The following SLC27A3 variants were observed in gnomAD, a reference collection of about 807,000 sequenced individuals.
The protein encoded by SLC27A3 is solute carrier family 27 member 3, also known as long-chain fatty acid transport protein 3.
A neutral mutation model predicts 60.1 loss-of-function variants in SLC27A3; 60 were observed. The observed-to-expected ratio is 1.00, with a 90% CI of 0.81 to 1.24. SLC27A3 has a LOEUF of 1.24. Ranked by LOEUF, SLC27A3 falls within the 50% of genes most tolerant of loss-of-function variation. The probability of loss-of-function intolerance (pLI) is 0.00; values close to 1 mark genes in which losing one functional copy is unlikely to be tolerated. For missense variants in SLC27A3, 1,079 were observed against 929.9 expected, an observed-to-expected ratio of 1.16 and a Z score of -2.09; for synonymous variants, 455 against 409.0, an observed-to-expected ratio of 1.11 and a Z score of -1.36.
Position 153,778,736 on chromosome 1 carries a change from G to A in SLC27A3, c.1497G>A (p.Leu499=), listed in dbSNP as rs764042645. 1 of 1,613,684 alleles carries A rather than the reference G, an allele frequency of 6.2e-7. No homozygotes were observed. The highest frequency in any genetic ancestry group is 1.1e-5 in the South Asian group (1 of 91,080). Residue 499 remains leucine (L), a synonymous_variant, in exon 7 of 10, where the codon CTG becomes CTA. Transcript: ENST00000624995. ...CGGTAAGCCAGCAGTCCCCATTCCT[G>A]GGCTATGCTGGCGGGCCAGAGCTGG... ...VAPVSQQSPF[L]GYAGGPELAQ...
Position 153,778,529 on chromosome 1 carries a change from G to A in SLC27A3, c.1423G>A (p.Gly475Arg). ...AGGAGAGCCAATTCGGGACCCCCAGGGGCACTGTATGGCCACATCTCCAGG... is the reference window on the plus strand; with the variant it reads ...AGGAGAGCCAATTCGGGACCCCCAGAGGCACTGTATGGCCACATCTCCAGG... ...TTGEPIRDPQ[G>R]HCMATSPGEP... is the part of the protein sequence containing the mutation. The change falls in exon 6 of 10, where the codon GGG (glycine) becomes AGG (arginine). Residue 475 changes from glycine (G) to arginine (R), a missense_variant. Gly to Arg is a moderately radical substitution (Grantham distance 125). Transcript: ENST00000624995. 6.2e-7 allele frequency: 1 copy of A among 1,614,186 alleles called. No individual in the cohort carries two copies. The highest frequency in any genetic ancestry group is 8.5e-7 in the Non-Finnish European group (1 of 1,180,022).
intron 3 of SLC27A3, 113 bp from the exon 4 acceptor site, chr1:153,777,648 G>A (rs1673297586): frequency 6.7e-6 from 9 of 1,348,280 alleles, no homozygotes; most frequent in Admixed American, 1.9e-5. Flanking sequence ...CCCACAGTGG[G>A]CCCTTCCCAG....
chr1:153,779,758 A>T, intron 9 of SLC27A3, 68 bp from the exon 10 acceptor site: 1 of 1,462,654 alleles, frequency 6.8e-7, no homozygotes, highest in East Asian at 2.3e-5. Context: ...AACAAAATTC[A>T]GGCAACTCCC....
In SLC27A3 at chr1:153,775,453, G is replaced by A. The variant is rs1673135777; in HGVS notation, c.-45G>A. On this transcript the variant is annotated 5_prime_UTR_variant, in exon 1 of 10. Transcript: ENST00000624995. ...TCGGAAGGGAGGATCAGGGATGTTT[G>A]CGAGCGGCTGGAACCAGACGGTGCC... The A allele has an allele frequency of 1.9e-6, 3 of 1,612,640 alleles. No homozygotes were observed. Among genetic ancestry groups the A allele is most frequent in the South Asian group, 2.2e-5 (2 of 91,086 alleles).
In SLC27A3 at chr1:153,777,285, G is replaced by A. The variant is rs944300784; in HGVS notation, c.1036+65G>A. On this transcript the variant is annotated intron_variant, in intron 3 of 9. Transcript: ENST00000624995. ...AGACATTTATTAAGCACGTACTATG[G>A]TGTGAGTCCTCCAGGGTAGATAATC... The A allele has an allele frequency of 3.8e-6, 6 of 1,574,520 alleles. No homozygotes were observed. The East Asian group carries it at 8.9e-5, about 23-fold the overall frequency.
In SLC27A3 at chr1:153,778,492, T is replaced by G. The variant is rs750471359; in HGVS notation, c.1386T>G (p.Tyr462Ter). ...KHIFPFSLIR[Y>*]DVTTGEPIRD... is the part of the protein sequence containing the mutation. ...TCTTCCCCTTCTCCTTGATTCGCTA[T>G]GATGTCACCACAGGAGAGCCAATTC... The change falls in exon 6 of 10, where the codon TAT becomes TAG. Residue 462 changes from tyrosine to a stop codon, truncating the protein, a stop_gained. Coordinates refer to ENST00000624995, the MANE Select transcript of SLC27A3 (RefSeq NM_024330.4). LOFTEE classifies it high-confidence loss of function. The G allele has an allele frequency of 1.1e-5, 18 of 1,614,072 alleles. No individual in the cohort carries two copies. In the African/African-American group the frequency reaches 1.3e-4, roughly 12 times the overall value.
rs754121819 is a variant in SLC27A3, at chr1:153,778,896, A to G, written c.1646+11A>G. 4 of 1,613,464 alleles carry G rather than the reference A, an allele frequency of 2.5e-6. No homozygotes were observed. Among genetic ancestry groups the G allele is most frequent in the South Asian group, 1.1e-5 (1 of 91,064 alleles). ...TGGAGACACCTTCAGGTATCTGTCC[A>G]TAACTGGTTTTTCATCCTGGACATC... On this transcript the variant is annotated intron_variant, in intron 7 of 9. Transcript: ENST00000624995.
chr1:153,776,048 G>T lies in SLC27A3; in HGVS notation c.551G>T (p.Trp184Leu). ...GCTGGCCCAGAGTTTCTGTGGCTCTGGTTCGGGCTGGCCAAGGCCGGCCTG... is the reference window on the plus strand; with the variant it reads ...GCTGGCCCAGAGTTTCTGTGGCTCTTGTTCGGGCTGGCCAAGGCCGGCCTG... ...LPAGPEFLWL[W>L]FGLAKAGLRT... The change falls in exon 1 of 10, where the codon TGG becomes TTG. Residue 184 changes from tryptophan (W) to leucine (L), a missense_variant. Physicochemically the swap from Trp to Leu is moderately conservative, Grantham distance 61. Transcript: ENST00000624995. 1 of 1,463,216 alleles carries T rather than the reference G, an allele frequency of 6.8e-7. No homozygotes were observed. The highest frequency in any genetic ancestry group is 9.0e-7 in the Non-Finnish European group (1 of 1,116,768). 90.6% of individuals were successfully genotyped at this position (1,463,216 alleles called of 1,614,324 possible). A position where few individuals can be genotyped will look rare whatever the true frequency, so the allele number is the denominator to read the frequency against.
rs754868445 is a variant in SLC27A3, at chr1:153,778,384, C to T, written c.1356+29C>T. On this transcript the variant is annotated intron_variant, in intron 5 of 9. Coordinates refer to ENST00000624995, the MANE Select transcript of SLC27A3 (RefSeq NM_024330.4). ...AGGGGCAGAGAGGAAACTGAAAACC[C>T]GTGGAACAGCAGAGGGCTGGCAGGA... 1.5e-5 allele frequency: 24 copies of T among 1,613,628 alleles called. No homozygotes were observed. The Admixed American group carries it at 1.5e-4, about 10-fold the overall frequency.
chr1:153,776,027 GC>G lies in SLC27A3; in HGVS notation c.533del (p.Pro178GlnfsTer58). 1 of 1,455,058 alleles carries G rather than the reference GC, an allele frequency of 6.9e-7. No homozygotes were observed. The highest frequency in any genetic ancestry group is 1.4e-5 in the South Asian group (1 of 69,344). 90.1% of individuals were successfully genotyped at this position (1,455,058 alleles called of 1,614,324 possible). A position where few individuals can be genotyped will look rare whatever the true frequency, so the allele number is the denominator to read the frequency against. On this transcript the variant is annotated frameshift_variant, in exon 1 of 10. Transcript: ENST00000624995. LOFTEE classifies it high-confidence loss of function. The part of the protein sequence containing the change: ...GATVALLLPA[G>X]PEFLWLWFGL... ...ACTGTGGCGCTGCTCCTCCCCGCTG[GC>G]CCAGAGTTTCTGTGGCTCTGGTTCG...
Position 153,776,683 on chromosome 1 carries a change from G to A in SLC27A3, c.833G>A (p.Ser278Asn), listed in dbSNP as rs998972394. Residue 278 changes from serine to asparagine, a missense_variant, in exon 2 of 10, where the codon AGC (serine) becomes AAC (asparagine). By Grantham distance (46) the Ser-to-Asn change is conservative. Coordinates refer to ENST00000624995, the MANE Select transcript of SLC27A3 (RefSeq NM_024330.4). ...CCAGGATACCTCTCTTCCCCCCAGA[G>A]CATAACAGACACGTGCCTGTACATC... ...PVPGYLSSPQ[S>N]ITDTCLYIFT... 1.2e-6 allele frequency: 2 copies of A among 1,614,050 alleles called. No individual in the cohort carries two copies. Among genetic ancestry groups the A allele is most frequent in the African/African-American group, 1.3e-5 (1 of 74,918 alleles).
chr1:153,779,661 C>T lies in SLC27A3; in HGVS notation c.1876-165C>T, dbSNP rs1234861996. On this transcript the variant is annotated intron_variant, in intron 9 of 9. Transcript: ENST00000624995. The stretch of plus-strand genomic sequence containing the variant: ...CACCCCACTTCTTTCCTTATCCCTG[C>T]CTTCTTCTGGCCTGGCTCTTTCTCC... The T allele has an allele frequency of 4.4e-6, 4 of 909,784 alleles. No homozygotes were observed. The African/African-American group carries it at 6.8e-5, about 16-fold the overall frequency. 56.4% of individuals were successfully genotyped at this position (909,784 alleles called of 1,614,324 possible).
rs371655540 is a variant in SLC27A3, at chr1:153,779,482, C to T, written c.1875+9C>T. On this transcript the variant is annotated intron_variant, in intron 9 of 9. Transcript: ENST00000624995. ...GATTCCTCAGGCTCCAGGTAACCGG[C>T]CACTTCCCCCGCCGGCCCCTCACCC... 9.3e-6 allele frequency: 15 copies of T among 1,609,324 alleles called. No homozygotes were observed. Among genetic ancestry groups the T allele is most frequent in the Non-Finnish European group, 1.3e-5 (15 of 1,178,334 alleles).
intron 7 of SLC27A3, 83 bp downstream of exon 7, chr1:153,778,968 C>T: frequency 3.4e-6 from 5 of 1,489,046 alleles, no homozygotes; most frequent in Non-Finnish European, 3.7e-6. Flanking sequence ...TCTAATCTGC[C>T]ACCTCAACCT....
At chr1:153,779,800 C>T in intron 9 of SLC27A3, 26 bp from the exon 10 acceptor site, 6 of 1,606,280 alleles carry the variant, frequency 3.7e-6, no homozygotes, top group Non-Finnish European at 5.1e-6. Flanking sequence ...CCCTTCCCTC[C>T]AAATCCCTGA....
Position 153,780,003 on chromosome 1 carries a change from G to A in SLC27A3, c.*1G>A. ...CCTGGCAGGAAACCTTCGAATCTGA[G>A]AACTTCCACACCTGAGGCACCTGAG... On this transcript the variant is annotated 3_prime_UTR_variant, in exon 10 of 10. Transcript: ENST00000624995. The A allele has an allele frequency of 6.2e-7, 1 of 1,610,302 alleles. No individual in the cohort carries two copies. The highest frequency in any genetic ancestry group is 2.2e-5 in the East Asian group (1 of 44,704).
At position 153,775,908 on chromosome 1, in the gene SLC27A3, C is replaced by T. The variant is rs761119737; in HGVS notation, c.411C>T (p.Ala137=). 17 of 1,471,718 alleles carry T rather than the reference C, an allele frequency of 1.2e-5. 1 individual carries two copies. In the South Asian group the frequency reaches 1.8e-4, roughly 16 times the overall value. 91.2% of individuals were successfully genotyped at this position (1,471,718 alleles called of 1,614,324 possible). Residue 137 remains alanine, a synonymous_variant, in exon 1 of 10, where the codon GCC becomes GCT. Transcript: ENST00000624995. ...AGEGERAAPG[A]GDAAAGSGAE... ...AAGGCGAGCGGGCAGCGCCGGGAGC[C>T]GGAGATGCAGCGGCCGGAAGCGGCG...
chr1:153,775,485 G>T lies in SLC27A3; in HGVS notation c.-13G>T. ...GCTGGAACCAGACGGTGCCGATAGA[G>T]GAAGCGGGCTCCATGGCTGCCCTCC... On this transcript the variant is annotated 5_prime_UTR_variant, in exon 1 of 10. It adds an upstream start codon to the 5' untranslated region. Transcript: ENST00000624995. The T allele has an allele frequency of 6.2e-7, 1 of 1,613,284 alleles. No homozygotes were observed. Among genetic ancestry groups the T allele is most frequent in the Non-Finnish European group, 8.5e-7 (1 of 1,180,028 alleles).
At chr1:153,777,597 G>A in intron 3 of SLC27A3, 164 bp from the exon 4 acceptor site, 1 of 872,388 alleles carries the variant, frequency 1.1e-6, no homozygotes, top group Non-Finnish European at 1.8e-6. Context: ...GGGGCCGGGG[G>A]AGGGGAAAGA....
Sources: gnomAD v4.1 joint callset for allele counts on GRCh38, gnomAD v4.1.1 for gene constraint, MANE v1.5 for transcripts, NCBI Gene and HGNC (gene_info 2026-07-23, HGNC 2026-07-21) for gene names.